The following TENM4 variants were observed in gnomAD, a reference collection of about 807,000 sequenced individuals.
TENM4 encodes the protein teneurin-4.
In TENM4, 82 loss-of-function variants were observed where a neutral mutation model predicts 243.3. The ratio of observed to expected loss-of-function variants is 0.34; its 90% CI spans 0.28 to 0.40. The LOEUF (loss-of-function observed/expected upper bound fraction) is 0.40, where lower values mean the gene tolerates loss of function less well. Ranked by LOEUF, TENM4 falls within the 10% of genes least tolerant of loss-of-function variation. The pLI, the probability that TENM4 is intolerant of heterozygous loss-of-function variation, is 1.00. For missense variants in TENM4, 3,138 were observed against 3,673.3 expected, an observed-to-expected ratio of 0.85 and a Z score of 3.77; for synonymous variants, 1,412 against 1,456.3, an observed-to-expected ratio of 0.97 and a Z score of 0.69.
At chr11:79,023,022 G>A (rs1020863419) in intron 6 of TENM4, among the ~76,000 whole-genome samples, 19 of 152,248 alleles carry the variant, frequency 1.2e-4, no homozygotes, top group African/African-American at 4.6e-4. Context: ...GCATGAAAAA[G>A]GATTGACAGA....
Position 78,805,282 on chromosome 11 carries a change from C to CCCCCCCCCCCCCCCCCCCCCCAGG in TENM4, c.2179+9_2179+10insCCTGGGGGGGGGGGGGGGGGGGGG. 1 of 995,568 alleles carries CCCCCCCCCCCCCCCCCCCCCCAGG rather than the reference C, an allele frequency of 1.0e-6. No homozygotes were observed. The highest frequency in any genetic ancestry group is 5.3e-5 in the East Asian group (1 of 19,014). The allele number at this position is 995,568 out of a possible 1,614,324, so 61.7% of individuals were successfully genotyped here. ...CCCTCTACCCATGCTTCTTCTCCCC[C>CCCCCCCCCCCCCCCCCCCCCCAGG]TGCATTTACCGATAGAACAGTCGTG... is the stretch of plus-strand genomic sequence containing the variant. On this transcript the variant is annotated intron_variant, in intron 15 of 33. Coordinates refer to ENST00000278550, the MANE Select transcript of TENM4 (RefSeq NM_001098816.3).
intron 7 of TENM4, among the ~76,000 whole-genome samples, chr11:78,900,705 G>C (rs1180271377): frequency 6.6e-6 from 1 of 152,164 alleles, no homozygotes; most frequent in Admixed American, 6.5e-5. Flanking sequence ...AGGGATGTTA[G>C]GGAACTTGGC....
intron 4 of TENM4, among the ~76,000 whole-genome samples, chr11:79,131,811 C>T (rs1430284667): frequency 6.6e-6 from 1 of 152,058 alleles, no homozygotes; most frequent in East Asian, 1.9e-4. Flanking sequence ...GCAGTAAGGA[C>T]TCACATAAAT....
chr11:78,920,484 T>C (rs773490144), intron 6 of TENM4, among the ~76,000 whole-genome samples: 1 of 152,190 alleles, frequency 6.6e-6, no homozygotes, highest in Non-Finnish European at 1.5e-5. Flanking sequence ...GAGGCAGGAA[T>C]AGGCATCCTC....
intron 6 of TENM4, among the ~76,000 whole-genome samples, chr11:78,938,809 T>C (rs2136448044): frequency 6.6e-6 from 1 of 152,134 alleles, no homozygotes; most frequent in South Asian, 2.1e-4. Flanking sequence ...TGGTGAGGGG[T>C]TTGGGGACTT....
chr11:79,286,428 G>A (rs531878792), intron 2 of TENM4, among the ~76,000 whole-genome samples: 3 of 151,686 alleles, frequency 2.0e-5, no homozygotes, highest in East Asian at 1.9e-4. Flanking sequence ...GAGGTGGGGG[G>A]GATCACCTGA....
intron 2 of TENM4, among the ~76,000 whole-genome samples, chr11:79,223,590 A>G (rs951996537): frequency 2.6e-5 from 4 of 152,114 alleles, no homozygotes; most frequent in African/African-American, 9.7e-5. Flanking sequence ...ACTCTCCCCT[A>G]TAGCAAGCAG....
chr11:78,823,837 CA>C (rs1184940251), intron 12 of TENM4, among the ~76,000 whole-genome samples: 1 of 152,208 alleles, frequency 6.6e-6, no homozygotes, highest in Non-Finnish European at 1.5e-5. Context: ...CTTGGCACGT[CA>C]CCAGGATCTA....
intron 6 of TENM4, among the ~76,000 whole-genome samples, chr11:79,049,052 T>G (rs1444571597): frequency 1.3e-5 from 2 of 152,204 alleles, no homozygotes; most frequent in African/African-American, 4.8e-5. Flanking sequence ...GTCTGTCTTC[T>G]GTATACCATG....
chr11:79,198,193 C>G (rs959784329), intron 3 of TENM4, among the ~76,000 whole-genome samples: 3 of 152,230 alleles, frequency 2.0e-5, no homozygotes, highest in African/African-American at 7.2e-5. Context: ...GTGAGGACAG[C>G]CTCCTTGATT....
At chr11:78,687,351 G>C (rs774711237) in intron 29 of TENM4, among the ~76,000 whole-genome samples, 11 of 152,168 alleles carry the variant, frequency 7.2e-5, no homozygotes, top group Non-Finnish European at 1.2e-4. Context: ...TCCTTTCACT[G>C]CTTCGTGTGA....
intron 6 of TENM4, among the ~76,000 whole-genome samples, chr11:79,028,834 G>A (rs1228789408): frequency 2.0e-5 from 3 of 152,200 alleles, no homozygotes; most frequent in African/African-American, 7.2e-5. Flanking sequence ...TGGGGCACTA[G>A]TTAACATGCA....
intron 1 of TENM4, among the ~76,000 whole-genome samples, chr11:79,331,811 A>G (rs1368461326): frequency 6.6e-6 from 1 of 152,186 alleles, no homozygotes; most frequent in Non-Finnish European, 1.5e-5. Flanking sequence ...CAGCCTCTCT[A>G]TTCAGGTGGA....
chr11:79,060,628 A>G (rs531617563), intron 6 of TENM4, among the ~76,000 whole-genome samples: 1 of 152,186 alleles, frequency 6.6e-6, no homozygotes, highest in East Asian at 1.9e-4. Context: ...AGAGCTGAGG[A>G]CGCCTGCAGA....
intron 3 of TENM4, among the ~76,000 whole-genome samples, chr11:79,180,985 G>A (rs1167693677): frequency 1.3e-5 from 2 of 152,060 alleles, no homozygotes; most frequent in Middle Eastern, 3.4e-3. Context: ...AGGCCCACAT[G>A]TGTTTACTGG....
At chr11:78,766,014 T>A (rs538453519) in intron 18 of TENM4, among the ~76,000 whole-genome samples, 8 of 152,360 alleles carry the variant, frequency 5.3e-5, no homozygotes, top group African/African-American at 1.9e-4. Context: ...TTCCAATTTT[T>A]AAAAATATTT....
At chr11:78,760,010 G>A (rs140870195) in intron 18 of TENM4, among the ~76,000 whole-genome samples, 38 of 152,254 alleles carry the variant, frequency 2.5e-4, no homozygotes, top group African/African-American at 8.7e-4. Flanking sequence ...CAGCCTCTTG[G>A]ACAACTTCCA....
chr11:78,714,652 C>T (rs1271747374), intron 25 of TENM4, among the ~76,000 whole-genome samples: 1 of 152,174 alleles, frequency 6.6e-6, no homozygotes, highest in East Asian at 1.9e-4. Flanking sequence ...CAAATCCCAG[C>T]TTTCTGCTGT....
At chr11:79,089,047 CT>C (rs1210390225) in intron 4 of TENM4, among the ~76,000 whole-genome samples, 2 of 152,232 alleles carry the variant, frequency 1.3e-5, no homozygotes, top group African/African-American at 4.8e-5. Flanking sequence ...GTGATGGAGC[CT>C]TCCCAGACAA....
Sources: gnomAD v4.1 joint callset for allele counts (sites outside exome capture counted in the v4.1 genomes callset) on GRCh38, gnomAD v4.1.1 for gene constraint, MANE v1.5 for transcripts, NCBI Gene and HGNC (gene_info 2026-07-23, HGNC 2026-07-21) for gene names.